THSD7B: variants seen among roughly 807,000 people sequenced by gnomAD.
The protein encoded by THSD7B is thrombospondin type-1 domain-containing protein 7B.
In THSD7B, 138 loss-of-function variants were observed where a neutral mutation model predicts 213.6. The ratio of observed to expected loss-of-function variants is 0.65; its 90% CI spans 0.56 to 0.74. The LOEUF (loss-of-function observed/expected upper bound fraction) is 0.74, where lower values mean the gene tolerates loss of function less well. Ranked by LOEUF, THSD7B falls within the 30% of genes least tolerant of loss-of-function variation. The probability of loss-of-function intolerance (pLI) is 0.00; values close to 1 mark genes in which losing one functional copy is unlikely to be tolerated. For synonymous variants in THSD7B, 742 were observed against 687.0 expected (o/e 1.08, Z -1.25); for missense variants, 1,931 against 1,991.5 (o/e 0.97, Z 0.58).
chr2:137,223,529 G>C (rs1424582831), intron 7 of THSD7B, among the ~76,000 whole-genome samples: 2 of 152,072 alleles, frequency 1.3e-5, no homozygotes, highest in African/African-American at 4.8e-5. Context: ...TTCTTACCCT[G>C]TTCTCACCCA....
At chr2:137,033,276 C>T (rs1481525823) in intron 2 of THSD7B, among the ~76,000 whole-genome samples, 1 of 152,176 alleles carries the variant, frequency 6.6e-6, no homozygotes, top group African/African-American at 2.4e-5. Context: ...GCTGGCTTAT[C>T]TAAGATGGTT....
At chr2:137,592,120 C>T (rs2104814492) in intron 17 of THSD7B, among the ~76,000 whole-genome samples, 1 of 151,692 alleles carries the variant, frequency 6.6e-6, no homozygotes, top group South Asian at 2.1e-4. Flanking sequence ...TTGTATTTTT[C>T]TGTGCACTTG....
intron 12 of THSD7B, among the ~76,000 whole-genome samples, chr2:137,352,601 A>G (rs1034122531): frequency 1.3e-5 from 2 of 151,960 alleles, no homozygotes; most frequent in African/African-American, 4.8e-5. Flanking sequence ...TTCTGCCATG[A>G]CTTCGGCCCT....
chr2:137,229,121 G>A (rs894689262), intron 7 of THSD7B, among the ~76,000 whole-genome samples: 3 of 152,114 alleles, frequency 2.0e-5, no homozygotes, highest in African/African-American at 7.2e-5. Flanking sequence ...TGAAACCAAT[G>A]TTACTATTTT....
chr2:136,787,086 A>C (rs1558804990), intron 1 of THSD7B, among the ~76,000 whole-genome samples: 1 of 152,220 alleles, frequency 6.6e-6, no homozygotes, highest in South Asian at 2.1e-4. Flanking sequence ...AATTTTAACA[A>C]GATACTTTGA....
intron 15 of THSD7B, among the ~76,000 whole-genome samples, chr2:137,522,536 T>TTTTTC (rs1409289332): frequency 1.3e-5 from 2 of 152,152 alleles, no homozygotes; most frequent in Admixed American, 1.3e-4. Flanking sequence ...CACTTTTTTT[T>TTTTTC]TTTTCTTTTC....
chr2:137,383,020 G>A (rs1685810820), intron 12 of THSD7B, among the ~76,000 whole-genome samples: 1 of 152,202 alleles, frequency 6.6e-6, no homozygotes, highest in Non-Finnish European at 1.5e-5. Context: ...TGATCACCAA[G>A]GAAGCGACAC....
chr2:136,864,559 C>CT (rs911782269), intron 1 of THSD7B, among the ~76,000 whole-genome samples: 126 of 147,560 alleles, frequency 8.5e-4, no homozygotes, highest in African/African-American at 1.2e-3. Context: ...ATTTTCTTTT[C>CT]TTTTTTTTTT....
chr2:137,320,962 G>T (rs1335017900), intron 12 of THSD7B, among the ~76,000 whole-genome samples: 1 of 152,224 alleles, frequency 6.6e-6, no homozygotes, highest in Non-Finnish European at 1.5e-5. Flanking sequence ...GAGGCTTTCT[G>T]GCTTTGAGCG....
chr2:137,621,924 G>A (rs181415427), intron 20 of THSD7B, among the ~76,000 whole-genome samples: 16 of 152,222 alleles, frequency 1.1e-4, no homozygotes, highest in Non-Finnish European at 1.6e-4. Context: ...GAAGGTGTTC[G>A]TAAAGAGATC....
At chr2:136,872,259 T>C (rs1414682928) in intron 1 of THSD7B, among the ~76,000 whole-genome samples, 3 of 152,124 alleles carry the variant, frequency 2.0e-5, no homozygotes, top group Non-Finnish European at 4.4e-5. Flanking sequence ...TCCTCTGTTC[T>C]CCATTCTGTC....
At chr2:137,193,141 C>T (rs947795716) in intron 7 of THSD7B, among the ~76,000 whole-genome samples, 3 of 152,126 alleles carry the variant, frequency 2.0e-5, no homozygotes, top group Non-Finnish European at 4.4e-5. Flanking sequence ...CAGACCTCTC[C>T]ACCGTCCAGT....
At chr2:137,298,711 C>G (rs6430705) in intron 12 of THSD7B, among the ~76,000 whole-genome samples, 9,356 of 152,222 alleles carry the variant, frequency 0.061, 537 homozygotes, top group African/African-American at 0.14. Context: ...TCAGGCTGTG[C>G]CTTCAGAGGG....
At chr2:137,031,416 G>A (rs1686664481) in intron 2 of THSD7B, among the ~76,000 whole-genome samples, 1 of 152,138 alleles carries the variant, frequency 6.6e-6, no homozygotes, top group Non-Finnish European at 1.5e-5. Flanking sequence ...TGTCTTCTGA[G>A]AGTAGTCTCT....
intron 2 of THSD7B, among the ~76,000 whole-genome samples, chr2:137,040,891 T>C (rs1686871430): frequency 6.6e-6 from 1 of 152,108 alleles, no homozygotes; most frequent in African/African-American, 2.4e-5. Flanking sequence ...TGGTATAAGC[T>C]TTGATAATGT....
At chr2:137,099,159 C>T (rs1007825205) in intron 4 of THSD7B, among the ~76,000 whole-genome samples, 1 of 152,020 alleles carries the variant, frequency 6.6e-6, no homozygotes. Context: ...TTGTCAGTTG[C>T]CACCTTGGCT....
chr2:137,399,195 C>CTT (rs1247428282), intron 12 of THSD7B, among the ~76,000 whole-genome samples: 17 of 98,100 alleles, frequency 1.7e-4, no homozygotes, highest in Admixed American at 2.7e-4. Flanking sequence ...CTCCCCACCC[C>CTT]TTTTTTTTTT....
rs150680153 is a variant in THSD7B, at chr2:136,800,222, C to T, written c.-36+34535C>T. Among the ~76,000 whole-genome samples the T allele has an allele frequency of 4.6e-5, 7 of 152,024 alleles. No homozygotes were observed. In the East Asian group the frequency reaches 1.4e-3, roughly 29 times the overall value. ...TAAATAGTTTTCAACTCCCAGACCA[C>T]CAAATTTTGTACAGTCATTATATTT... On this transcript the variant is annotated intron_variant, in intron 1 of 27. Coordinates refer to ENST00000409968, the MANE Select transcript of THSD7B (RefSeq NM_001316349.2).
intron 12 of THSD7B, among the ~76,000 whole-genome samples, chr2:137,288,690 T>A (rs1339196870): frequency 6.6e-6 from 1 of 151,874 alleles, no homozygotes; most frequent in Non-Finnish European, 1.5e-5. Context: ...AATATTGACA[T>A]TAAAAAGTTC....
Sources: gnomAD v4.1 joint callset for allele counts (sites outside exome capture counted in the v4.1 genomes callset) on GRCh38, gnomAD v4.1.1 for gene constraint, MANE v1.5 for transcripts, NCBI Gene and HGNC (gene_info 2026-07-23, HGNC 2026-07-21) for gene names.